The following LRCH1 variants were observed in gnomAD, a reference collection of about 807,000 sequenced individuals.
The protein encoded by LRCH1 is leucine-rich repeat and calponin homology domain-containing protein 1.
Under a neutral mutation model 94.9 loss-of-function variants are expected in LRCH1, and 23 were observed. The observed-to-expected ratio is 0.24, with a 90% CI of 0.17 to 0.34. The LOEUF is 0.34. LRCH1 is among the 10% of genes least tolerant of loss of function. The pLI is 1.00. For synonymous variants in LRCH1, 364 were observed against 354.9 expected (o/e 1.03, Z -0.29); for missense variants, 790 against 945.9 (o/e 0.84, Z 2.16).
At chr13:46,711,101 C>T (rs1446494445) in intron 13 of LRCH1, among the ~76,000 whole-genome samples, 1 of 152,062 alleles carries the variant, frequency 6.6e-6, no homozygotes, top group East Asian at 1.9e-4. Context: ...TCTCCATGCC[C>T]CACAAATTTC....
At position 46,743,615 on chromosome 13, in the gene LRCH1, C is replaced by T; in HGVS notation, c.*1767C>T. The T allele has an allele frequency of 5.1e-6, 5 of 985,256 alleles. No homozygotes were observed. The highest frequency in any genetic ancestry group is 6.0e-6 in the Non-Finnish European group (5 of 829,764). The allele number at this position is 985,256 out of a possible 1,614,324, so 61.0% of individuals were successfully genotyped here. On this transcript the variant is annotated 3_prime_UTR_variant, in exon 20 of 20. Coordinates refer to ENST00000389797, the MANE Select transcript of LRCH1 (RefSeq NM_001164211.2). ...GTGATTATTCCAAGTTTTTATCAGC[C>T]CATTGATACATGTATTCATGAGCTC...
At position 46,743,105 on chromosome 13, in the gene LRCH1, G is replaced by T. The variant is rs79043053; in HGVS notation, c.*1257G>T. 1 of 985,406 alleles carries T rather than the reference G, an allele frequency of 1.0e-6. No homozygotes were observed. Among genetic ancestry groups the T allele is most frequent in the African/African-American group, 1.7e-5 (1 of 57,356 alleles). 61.0% of individuals were successfully genotyped at this position (985,406 alleles called of 1,614,324 possible). On this transcript the variant is annotated 3_prime_UTR_variant, in exon 20 of 20. Coordinates refer to ENST00000389797, the MANE Select transcript of LRCH1 (RefSeq NM_001164211.2). ...AGGCAGCCTCCTTATTTTACATGCT[G>T]TTTGCCAAATCTTGTTTCTTAGCTT...
intron 18 of LRCH1, among the ~76,000 whole-genome samples, chr13:46,733,369 T>C (rs1316132990): frequency 6.6e-6 from 1 of 152,196 alleles, no homozygotes; most frequent in African/African-American, 2.4e-5. Context: ...TGATATTGCC[T>C]CTATATCCCT....
At chr13:46,584,161 G>T (rs11841476) in intron 1 of LRCH1, among the ~76,000 whole-genome samples, 1 of 152,118 alleles carries the variant, frequency 6.6e-6, no homozygotes, top group African/African-American at 2.4e-5. Context: ...ATTATAGTCC[G>T]TTCAATTCAC....
intron 1 of LRCH1, among the ~76,000 whole-genome samples, chr13:46,647,272 A>C (rs952506255): frequency 1.3e-5 from 2 of 151,930 alleles, no homozygotes; most frequent in Non-Finnish European, 1.5e-5. Flanking sequence ...CCATGGCCTC[A>C]GCATTACAAT....
intron 1 of LRCH1, among the ~76,000 whole-genome samples, chr13:46,581,240 C>T (rs1317153167): frequency 6.6e-6 from 1 of 152,188 alleles, no homozygotes; most frequent in Non-Finnish European, 1.5e-5. Flanking sequence ...AACAGGAGAG[C>T]TTTTGCCTCC....
Position 46,553,365 on chromosome 13 carries a change from C to CGGCGG in LRCH1, c.-24_-20dup, listed in dbSNP as rs2050021231. On this transcript the variant is annotated 5_prime_UTR_variant, in exon 1 of 20. Transcript: ENST00000389797. ...GAACGCTGTGACCCCCCCGCAGGAG[C>CGGCGG]GGCGGGGCGGGGTGGGGGGGCCCGG... 2.7e-6 allele frequency: 4 copies of CGGCGG among 1,497,270 alleles called. No homozygotes were observed. Among genetic ancestry groups the CGGCGG allele is most frequent in the Non-Finnish European group, 1.8e-6 (2 of 1,123,002 alleles). 92.7% of individuals were successfully genotyped at this position (1,497,270 alleles called of 1,614,324 possible).
intron 1 of LRCH1, among the ~76,000 whole-genome samples, chr13:46,610,718 CT>C (rs1474656474): frequency 6.6e-6 from 1 of 152,154 alleles, no homozygotes; most frequent in Non-Finnish European, 1.5e-5. Flanking sequence ...ATCACAACTT[CT>C]TTATCCACTT....
chr13:46,699,455 A>G, intron 10 of LRCH1, 52 bp downstream of exon 10: 1 of 1,512,780 alleles, frequency 6.6e-7, no homozygotes. Flanking sequence ...TCCACTTTGC[A>G]AGCAGTCTGG....
At chr13:46,662,583 A>G (rs1001107732) in intron 2 of LRCH1, among the ~76,000 whole-genome samples, 10 of 152,232 alleles carry the variant, frequency 6.6e-5, no homozygotes, top group Non-Finnish European at 1.5e-4. Context: ...ATCTTTTGGA[A>G]TTGAAGAACT....
intron 19 of LRCH1, among the ~76,000 whole-genome samples, chr13:46,734,321 C>T (rs1049329815): frequency 6.6e-6 from 1 of 152,158 alleles, no homozygotes; most frequent in African/African-American, 2.4e-5. Context: ...AGTGAATCTT[C>T]TCTTAGGCTT....
At chr13:46,701,029 G>A (rs996937618) in intron 10 of LRCH1, 92 bp from the exon 11 acceptor site, 1 of 778,116 alleles carries the variant, frequency 1.3e-6, no homozygotes, top group African/African-American at 1.8e-5. Flanking sequence ...TCATATGTTA[G>A]ATGGATTTTT....
Position 46,553,565 on chromosome 13 carries a change from C to G in LRCH1, c.169C>G (p.Leu57Val). ...GGGGGSGGFN[L>V]PLNRGLERAL... ...CGGCGGTGGCAGCGGGGGCTTCAAC[C>G]TGCCCTTGAACCGGGGTCTGGAGCG... The change falls in exon 1 of 20, where the codon CTG becomes GTG. Residue 57 changes from leucine to valine, a missense_variant. Transcript: ENST00000389797. 1 of 1,549,156 alleles carries G rather than the reference C, an allele frequency of 6.5e-7. No individual in the cohort carries two copies. Among genetic ancestry groups the G allele is most frequent in the Admixed American group, 2.0e-5 (1 of 50,742 alleles).
At chr13:46,618,643 T>C (rs1341579626) in intron 1 of LRCH1, among the ~76,000 whole-genome samples, 1 of 152,246 alleles carries the variant, frequency 6.6e-6, no homozygotes, top group Non-Finnish European at 1.5e-5. Context: ...CACTACAATG[T>C]AGTCCTCCAA....
At chr13:46,715,441 T>C (rs1872271985) in intron 15 of LRCH1, 119 bp from the exon 16 acceptor site, 1 of 639,504 alleles carries the variant, frequency 1.6e-6, no homozygotes, top group African/African-American at 1.8e-5. Context: ...CCCATATAAA[T>C]GAAATCCACT....
At chr13:46,675,623 G>T (rs1237716405) in intron 3 of LRCH1, among the ~76,000 whole-genome samples, 2 of 152,266 alleles carry the variant, frequency 1.3e-5, no homozygotes, top group East Asian at 3.9e-4. Context: ...AGCTGCTGAG[G>T]AAAATCCCTT....
intron 7 of LRCH1, among the ~76,000 whole-genome samples, chr13:46,691,951 G>A (rs1388832841): frequency 3.9e-5 from 6 of 152,004 alleles, no homozygotes; most frequent in African/African-American, 1.4e-4. Context: ...GCCTCCCAAA[G>A]TGCTGGGATT....
chr13:46,734,524 C>T (rs1483448989), intron 19 of LRCH1, among the ~76,000 whole-genome samples: 1 of 152,174 alleles, frequency 6.6e-6, no homozygotes, highest in Non-Finnish European at 1.5e-5. Context: ...TGTTGCTTTA[C>T]AGTTTGTTAA....
rs111362992 is a variant in LRCH1, at chr13:46,650,156, T to C, written c.308-45T>C. ...TTGTGGTTAATAAAAGTGTATTGATTTTGTTCAAATTTTGTTGAGAAAATA... is the reference window on the plus strand; with the variant it reads ...TTGTGGTTAATAAAAGTGTATTGATCTTGTTCAAATTTTGTTGAGAAAATA... On this transcript the variant is annotated intron_variant, in intron 1 of 19. Transcript: ENST00000389797. 814 of 1,414,434 alleles carry C rather than the reference T, an allele frequency of 5.8e-4. 6 individuals carry two copies. In the African/African-American group the frequency reaches 0.01, roughly 18 times the overall value. 87.6% of individuals were successfully genotyped at this position (1,414,434 alleles called of 1,614,324 possible). A position where few individuals can be genotyped will look rare whatever the true frequency, so the allele number is the denominator to read the frequency against.
Sources: allele counts gnomAD v4.1 joint callset (sites outside exome capture counted in the v4.1 genomes callset), GRCh38; gene constraint gnomAD v4.1.1; transcripts MANE v1.5; gene names NCBI Gene and HGNC (gene_info 2026-07-23, HGNC 2026-07-21).